Variants in TTLL11 observed in about 807,000 individuals in gnomAD.
The protein encoded by TTLL11 is tubulin polyglutamylase TTLL11.
In TTLL11, 42 loss-of-function variants were observed where a neutral mutation model predicts 51.7. The observed-to-expected ratio is 0.81, with a 90% CI of 0.64 to 1.05. TTLL11 has a LOEUF of 1.05. TTLL11 is among the 50% of genes least tolerant of loss of function. The pLI, the probability that TTLL11 is intolerant of heterozygous loss-of-function variation, is 0.00. For synonymous variants in TTLL11, 381 were observed against 383.5 expected, an observed-to-expected ratio of 0.99 and a Z score of 0.08; for missense variants, 799 against 940.4, an observed-to-expected ratio of 0.85 and a Z score of 1.97.
intron 1 of TTLL11, among the ~76,000 whole-genome samples, chr9:122,061,581 GTTATT>G: frequency 6.6e-6 from 1 of 152,212 alleles, no homozygotes; most frequent in African/African-American, 2.4e-5. Flanking sequence ...GTAGCTCATT[GTTATT>G]TTAACTTGCA....
chr9:121,977,332 ATC>A, intron 4 of TTLL11, among the ~76,000 whole-genome samples: 1 of 152,318 alleles, frequency 6.6e-6, no homozygotes, highest in South Asian at 2.1e-4. Flanking sequence ...AGCCTCAATG[ATC>A]TCATCTGAAA....
rs760469977 is a variant in TTLL11 at position 122,049,009 on chromosome 9, GA to G, written c.463-9642del. Among the ~76,000 whole-genome samples the G allele has an allele frequency of 3.3e-3, 449 of 137,826 alleles. 1 individual carries two copies. Among genetic ancestry groups the G allele is most frequent in the African/African-American group, 7.0e-3 (266 of 37,890 alleles). The allele number at this position is 137,826 out of a possible 152,430, so 90.4% of individuals were successfully genotyped here. On this transcript the variant is annotated intron_variant, in intron 1 of 8. Transcript: ENST00000321582. ...ATAAATTCCTTTGAGATTCGTGCCAGAAAAAAAAAAAAAGCACGCACATGCA... is the reference window on the plus strand; with the variant it reads ...ATAAATTCCTTTGAGATTCGTGCCAGAAAAAAAAAAAAGCACGCACATGCA...
At chr9:121,880,264 C>T (rs145561046) in intron 6 of TTLL11, among the ~76,000 whole-genome samples, 16 of 152,314 alleles carry the variant, frequency 1.1e-4, no homozygotes, top group South Asian at 8.3e-4. Flanking sequence ...GCCCAAGGCA[C>T]GGTGAACAAG....
chr9:122,055,749 C>T (rs186427183), intron 1 of TTLL11, among the ~76,000 whole-genome samples: 7 of 152,332 alleles, frequency 4.6e-5, no homozygotes, highest in Non-Finnish European at 7.3e-5. Context: ...AAGCTCCACA[C>T]CACCTTGTAA....
At chr9:121,850,779 T>A (rs1421113949) in intron 8 of TTLL11, among the ~76,000 whole-genome samples, 1 of 152,092 alleles carries the variant, frequency 6.6e-6, no homozygotes. Flanking sequence ...TATCCCTTAC[T>A]CCAGTCAAGT....
At chr9:121,850,364 A>G (rs1372433519) in intron 8 of TTLL11, among the ~76,000 whole-genome samples, 1 of 151,890 alleles carries the variant, frequency 6.6e-6, no homozygotes, top group Non-Finnish European at 1.5e-5. Context: ...CACGAACAAG[A>G]GATGCCAATG....
At chr9:122,060,235 C>A (rs1479522136) in intron 1 of TTLL11, among the ~76,000 whole-genome samples, 1 of 152,222 alleles carries the variant, frequency 6.6e-6, no homozygotes, top group Non-Finnish European at 1.5e-5. Context: ...ATTCTTCCCA[C>A]CACACTTGCT....
chr9:122,000,749 G>C (rs1170464732), intron 3 of TTLL11, among the ~76,000 whole-genome samples: 1 of 152,192 alleles, frequency 6.6e-6, no homozygotes, highest in African/African-American at 2.4e-5. Context: ...CGGGGCTGTT[G>C]TATGGAGAAG....
intron 6 of TTLL11, among the ~76,000 whole-genome samples, chr9:121,934,696 T>C (rs1841129329): frequency 6.6e-6 from 1 of 152,206 alleles, no homozygotes; most frequent in Admixed American, 6.5e-5. Context: ...TCACTCAGCT[T>C]GCAACCCAAA....
intron 2 of TTLL11, among the ~76,000 whole-genome samples, chr9:122,035,709 T>G (rs1844682530): frequency 6.6e-6 from 1 of 152,216 alleles, no homozygotes; most frequent in Non-Finnish European, 1.5e-5. Flanking sequence ...CAGCAGACTC[T>G]TAGCTACATC....
intron 1 of TTLL11, among the ~76,000 whole-genome samples, chr9:122,073,036 T>A (rs1447869878): frequency 1.3e-5 from 2 of 152,218 alleles, no homozygotes; most frequent in Non-Finnish European, 2.9e-5. Context: ...ATATCGTCTA[T>A]CAGGCATTGT....
Position 122,006,817 on chromosome 9 carries a change from C to G in TTLL11, c.694-17047G>C, listed in dbSNP as rs371041024. ...CCTGGCCATCATGATGAAACCTCATCTTTAATAAAAATACAAAAATTAGCC... is the reference window on the plus strand; with the variant it reads ...CCTGGCCATCATGATGAAACCTCATGTTTAATAAAAATACAAAAATTAGCC... On this transcript the variant is annotated intron_variant, in intron 3 of 8. Coordinates refer to ENST00000321582, the MANE Select transcript of TTLL11 (RefSeq NM_001139442.2). Among the ~76,000 whole-genome samples the G allele has an allele frequency of 2.4e-4, 36 of 151,506 alleles. 1 individual carries two copies. In the East Asian group the frequency reaches 7.0e-3, roughly 29 times the overall value.
intron 8 of TTLL11, among the ~76,000 whole-genome samples, chr9:121,829,990 C>T (rs1836950960): frequency 6.6e-6 from 1 of 152,170 alleles, no homozygotes; most frequent in Non-Finnish European, 1.5e-5. Context: ...TCTAATGAGA[C>T]TCTGCTCCTA....
intron 6 of TTLL11, among the ~76,000 whole-genome samples, chr9:121,957,188 C>CA (rs1379375388): frequency 6.7e-6 from 1 of 150,208 alleles, no homozygotes; most frequent in Non-Finnish European, 1.5e-5. Flanking sequence ...AGGTCTTCCT[C>CA]AAACCGGCTA....
intron 1 of TTLL11, among the ~76,000 whole-genome samples, chr9:122,084,762 G>C (rs1846080676): frequency 6.6e-6 from 1 of 152,140 alleles, no homozygotes; most frequent in African/African-American, 2.4e-5. Context: ...TTTATACTCA[G>C]TCTTAGAGAT....
intron 6 of TTLL11, among the ~76,000 whole-genome samples, chr9:121,918,386 C>A (rs1318750373): frequency 6.6e-6 from 1 of 152,154 alleles, no homozygotes; most frequent in Non-Finnish European, 1.5e-5. Flanking sequence ...AAGAGGGTAG[C>A]AACTGCCATC....
In TTLL11 at chr9:121,937,750, TA is replaced by T. The variant is rs571727886; in HGVS notation, c.1481+36258del. 3.9e-3 allele frequency among the ~76,000 whole-genome samples: 588 copies of T among 151,846 alleles called. 2 individuals carry two copies. Among genetic ancestry groups the T allele is most frequent in the Middle Eastern group, 0.014 (4 of 294 alleles). On this transcript the variant is annotated intron_variant, in intron 6 of 8. Transcript: ENST00000321582. Reference sequence around the variant, plus strand: ...TGAAATAAGAATATTCAAAGTAATTTAAATTTAAAAGAAAGAACATCAAACC... The same window carrying T: ...TGAAATAAGAATATTCAAAGTAATTTAATTTAAAAGAAAGAACATCAAACC...
intron 6 of TTLL11, among the ~76,000 whole-genome samples, chr9:121,883,075 A>G (rs978188956): frequency 1.3e-5 from 2 of 152,204 alleles, no homozygotes; most frequent in Non-Finnish European, 2.9e-5. Context: ...TGAAGACAAG[A>G]AAATGGGCAG....
chr9:121,858,556 G>A (rs933243486), intron 8 of TTLL11, among the ~76,000 whole-genome samples: 4 of 152,196 alleles, frequency 2.6e-5, no homozygotes, highest in African/African-American at 4.8e-5. Context: ...ATGTCTGAGC[G>A]CCAGTGCCCT....
Sources: gnomAD v4.1 joint callset for allele counts (sites outside exome capture counted in the v4.1 genomes callset) on GRCh38, gnomAD v4.1.1 for gene constraint, MANE v1.5 for transcripts, NCBI Gene and HGNC (gene_info 2026-07-23, HGNC 2026-07-21) for gene names.